Variants in GABRB1 observed in about 807,000 individuals in gnomAD.
GABRB1 encodes gamma-aminobutyric acid receptor subunit beta-1.
GABRB1 carries 17 observed loss-of-function variants against 51.6 expected under a neutral mutation model. The observed-to-expected ratio is 0.33, with a 90% confidence interval of 0.23 to 0.49. The LOEUF (loss-of-function observed/expected upper bound fraction) is 0.49, where lower values mean the gene tolerates loss of function less well. GABRB1 is among the 20% of genes least tolerant of loss of function. The probability of loss-of-function intolerance (pLI) is 0.99; values close to 1 mark genes in which losing one functional copy is unlikely to be tolerated. For synonymous variants in GABRB1, 247 were observed against 218.9 expected (o/e 1.13, Z -1.14); for missense variants, 410 against 600.6 (o/e 0.68, Z 3.32).
At chr4:47,179,867 G>A (rs1718869822) in intron 4 of GABRB1, among the ~76,000 whole-genome samples, 1 of 152,028 alleles carries the variant, frequency 6.6e-6, no homozygotes, top group Non-Finnish European at 1.5e-5. Flanking sequence ...CTCTATTAGT[G>A]AAATTAAAAT....
intron 4 of GABRB1, among the ~76,000 whole-genome samples, chr4:47,279,073 C>A (rs748410791): frequency 1.3e-5 from 2 of 149,188 alleles, no homozygotes; most frequent in Non-Finnish European, 3.0e-5. Context: ...GTTTCCCACT[C>A]TTTCTTAGGA....
intron 3 of GABRB1, among the ~76,000 whole-genome samples, chr4:47,142,195 A>T (rs113040399): frequency 2.6e-5 from 4 of 152,000 alleles, no homozygotes; most frequent in African/African-American, 9.6e-5. Flanking sequence ...GGACATCCAA[A>T]TTCATATCAT....
At chr4:47,178,665 A>G (rs1046482894) in intron 4 of GABRB1, among the ~76,000 whole-genome samples, 2 of 152,276 alleles carry the variant, frequency 1.3e-5, no homozygotes, top group East Asian at 3.9e-4. Context: ...CCCATATAAA[A>G]AGGGCAACGA....
At chr4:47,112,348 G>T (rs992323491) in intron 3 of GABRB1, among the ~76,000 whole-genome samples, 1 of 151,706 alleles carries the variant, frequency 6.6e-6, no homozygotes, top group African/African-American at 2.4e-5. Context: ...CTCGTAATCC[G>T]ACTGCCTCAG....
At chr4:47,350,269 GTATATA>G (rs35809346) in intron 5 of GABRB1, among the ~76,000 whole-genome samples, 2 of 109,914 alleles carry the variant, frequency 1.8e-5, no homozygotes, top group Non-Finnish European at 3.8e-5. Context: ...ATTAATGTGT[GTATATA>G]TATATATATA....
intron 4 of GABRB1, among the ~76,000 whole-genome samples, chr4:47,244,148 G>A (rs972877541): frequency 6.6e-6 from 1 of 152,138 alleles, no homozygotes; most frequent in African/African-American, 2.4e-5. Flanking sequence ...TAATTATGTG[G>A]TTTTTGTCTT....
intron 5 of GABRB1, among the ~76,000 whole-genome samples, chr4:47,336,919 A>G (rs938918947): frequency 6.6e-6 from 1 of 152,212 alleles, no homozygotes; most frequent in Non-Finnish European, 1.5e-5. Flanking sequence ...AATGCAGGAA[A>G]TGATCATTGC....
intron 4 of GABRB1, among the ~76,000 whole-genome samples, chr4:47,168,959 A>G (rs2109750863): frequency 6.6e-6 from 1 of 152,142 alleles, no homozygotes; most frequent in South Asian, 2.1e-4. Flanking sequence ...TTGTACTTAA[A>G]TGTCCCCCTT....
Position 47,160,773 on chromosome 4 carries a change from TTTA to T in GABRB1, c.241-473_241-471del, listed in dbSNP as rs1355056766. ...CTTTTATTATTTATTTATTTATTTA[TTTA>T]TTTATTTAACTAATTATATATTTTT... On this transcript the variant is annotated intron_variant, in intron 3 of 8. Transcript: ENST00000295454. Among the ~76,000 whole-genome samples the T allele has an allele frequency of 6.6e-5, 10 of 151,308 alleles. No homozygotes were observed. In the South Asian group the frequency reaches 1.7e-3, roughly 25 times the overall value.
In GABRB1 at chr4:47,085,557, A is replaced by G. The variant is rs1728022690; in HGVS notation, c.240+53073A>G. On this transcript the variant is annotated intron_variant, in intron 3 of 8. Coordinates refer to ENST00000295454, the MANE Select transcript of GABRB1 (RefSeq NM_000812.4). Reference sequence around the variant, plus strand: ...TATACGGAACTAGTGTAAACAACAAATTTAGAACAGCAAGTTCTAAAAAAA... The same window carrying G: ...TATACGGAACTAGTGTAAACAACAAGTTTAGAACAGCAAGTTCTAAAAAAA... Among the ~76,000 whole-genome samples, 7 of 152,274 alleles carry G rather than the reference A, an allele frequency of 4.6e-5. No homozygotes were observed. The South Asian group carries it at 1.5e-3, about 32-fold the overall frequency.
chr4:47,132,159 C>G (rs558137863), intron 3 of GABRB1, among the ~76,000 whole-genome samples: 3 of 152,256 alleles, frequency 2.0e-5, no homozygotes, highest in African/African-American at 7.2e-5. Flanking sequence ...TAGAAAGCGT[C>G]ATTCAGATTG....
At chr4:47,260,773 T>C (rs1441370097) in intron 4 of GABRB1, among the ~76,000 whole-genome samples, 1 of 152,144 alleles carries the variant, frequency 6.6e-6, no homozygotes, top group Non-Finnish European at 1.5e-5. Flanking sequence ...CCAATATCCT[T>C]GATGAACATT....
At chr4:46,995,406 C>T (rs1723960269) in intron 1 of GABRB1, among the ~76,000 whole-genome samples, 1 of 152,158 alleles carries the variant, frequency 6.6e-6, no homozygotes, top group Non-Finnish European at 1.5e-5. Flanking sequence ...GTTGCCCAGG[C>T]TGGAGAGCAG....
At chr4:47,019,625 CTCTTTCTTTCTT>C (rs1157555893) in intron 1 of GABRB1, among the ~76,000 whole-genome samples, 1,673 of 91,082 alleles carry the variant, frequency 0.018, 36 homozygotes, top group African/African-American at 0.058. Context: ...TTCTTTCTCT[CTCTTTCTTTCTT>C]TCTTTCTTTC....
At chr4:47,009,508 A>C (rs1724527767) in intron 1 of GABRB1, among the ~76,000 whole-genome samples, 1 of 152,180 alleles carries the variant, frequency 6.6e-6, no homozygotes, top group South Asian at 2.1e-4. Flanking sequence ...GAACAACATC[A>C]ATTTTAGTTT....
chr4:47,164,124 A>G (rs1043518789), intron 4 of GABRB1, among the ~76,000 whole-genome samples: 1 of 151,926 alleles, frequency 6.6e-6, no homozygotes, highest in Admixed American at 6.6e-5. Flanking sequence ...TGGGGAAATC[A>G]CCCCTATGAT....
At chr4:47,227,886 A>C (rs973917959) in intron 4 of GABRB1, among the ~76,000 whole-genome samples, 2 of 152,130 alleles carry the variant, frequency 1.3e-5, no homozygotes, top group Non-Finnish European at 2.9e-5. Context: ...TTCTGTTCAC[A>C]TGCATCCCTG....
intron 4 of GABRB1, among the ~76,000 whole-genome samples, chr4:47,280,559 A>G (rs981877079): frequency 3.3e-5 from 5 of 151,256 alleles, no homozygotes; most frequent in African/African-American, 1.2e-4. Flanking sequence ...TGCATTTCTT[A>G]TAAGGTAGGT....
chr4:47,370,368 T>C (rs1053508696), intron 5 of GABRB1, among the ~76,000 whole-genome samples: 2 of 151,824 alleles, frequency 1.3e-5, no homozygotes, highest in South Asian at 2.1e-4. Context: ...GCACCTGTAG[T>C]CCCAGCTACT....
Sources: gnomAD v4.1 joint callset for allele counts (sites outside exome capture counted in the v4.1 genomes callset) on GRCh38, gnomAD v4.1.1 for gene constraint, MANE v1.5 for transcripts, NCBI Gene and HGNC (gene_info 2026-07-23, HGNC 2026-07-21) for gene names.